Variants in VMP1 observed in about 807,000 individuals in gnomAD.
VMP1 encodes the protein vacuole membrane protein 1, also known as ectopic P-granules autophagy protein 3 homolog.
In VMP1, 11 loss-of-function variants were observed where a neutral mutation model predicts 56.0. The observed-to-expected ratio is 0.20, with a 90% confidence interval of 0.12 to 0.32. The LOEUF (loss-of-function observed/expected upper bound fraction) is 0.32. Among genes scored for constraint, VMP1 ranks in the 10% least tolerant of loss-of-function variants. The pLI is 1.00. For synonymous variants in VMP1, 149 were observed against 165.0 expected (o/e 0.90, Z 0.74); for missense variants, 296 against 490.3 (o/e 0.60, Z 3.74).
rs140014071 is a variant in VMP1, at chr17:59,708,408, C to G, written c.-27+660C>G. 4.6e-3 allele frequency among the ~76,000 whole-genome samples: 708 copies of G among 152,292 alleles called. 9 individuals carry two copies. The highest frequency in any genetic ancestry group is 0.016 in the African/African-American group (681 of 41,552). On this transcript the variant is annotated intron_variant, in intron 1 of 11. Coordinates refer to ENST00000262291, the MANE Select transcript of VMP1 (RefSeq NM_030938.5). The stretch of plus-strand genomic sequence containing the variant: ...AGTAAAACGTGAAGGTCGACTTAAT[C>G]TCTAAAATTCCAGAAACCATATGTG...
chr17:59,766,613 T>C (rs780015781), intron 6 of VMP1, among the ~76,000 whole-genome samples: 1 of 152,200 alleles, frequency 6.6e-6, no homozygotes, highest in Non-Finnish European at 1.5e-5. Flanking sequence ...CAAGCCTTAT[T>C]ATAGTGAACG....
intron 9 of VMP1, among the ~76,000 whole-genome samples, chr17:59,816,409 C>A (rs1329745706): frequency 1.3e-5 from 2 of 152,208 alleles, no homozygotes; most frequent in Non-Finnish European, 2.9e-5. Flanking sequence ...ATAATATTCA[C>A]ATACCAATTG....
chr17:59,841,337 A>G lies in VMP1; in HGVS notation c.*1426A>G, dbSNP rs1377260723. On this transcript the variant is annotated 3_prime_UTR_variant, in exon 12 of 12. Transcript: ENST00000262291. ...AACACCAGTCGATGGGCTGTCTGAC[A>G]TTTTGGTATCTTTCATCTGACCATC... is the stretch of plus-strand genomic sequence containing the variant. 2 of 510,956 alleles carry G rather than the reference A, an allele frequency of 3.9e-6. No individual in the cohort carries two copies. The highest frequency in any genetic ancestry group is 3.9e-5 in the Admixed American group (2 of 51,354). 31.7% of individuals were successfully genotyped at this position (510,956 alleles called of 1,614,324 possible).
At chr17:59,837,240 T>C (rs2039011824) in intron 10 of VMP1, among the ~76,000 whole-genome samples, 1 of 151,690 alleles carries the variant, frequency 6.6e-6, no homozygotes, top group Admixed American at 6.6e-5. Context: ...TTTGAGTCAG[T>C]GTACTTAATA....
At chr17:59,835,383 T>A (rs2038947825) in intron 10 of VMP1, among the ~76,000 whole-genome samples, 1 of 152,010 alleles carries the variant, frequency 6.6e-6, no homozygotes, top group Non-Finnish European at 1.5e-5. Context: ...CACCTCAGCC[T>A]CCCCTGGTGC....
At chr17:59,717,262 G>A (rs1367544170) in intron 1 of VMP1, among the ~76,000 whole-genome samples, 9 of 152,088 alleles carry the variant, frequency 5.9e-5, no homozygotes, top group Non-Finnish European at 1.2e-4. Context: ...GAGCCACCGC[G>A]CTCGGCCGGT....
At chr17:59,756,296 C>A (rs1297875915) in intron 5 of VMP1, among the ~76,000 whole-genome samples, 1 of 152,160 alleles carries the variant, frequency 6.6e-6, no homozygotes, top group African/African-American at 2.4e-5. Context: ...TTTTGCAAGT[C>A]ATACAAACAA....
At chr17:59,738,070 A>C (rs1250197625) in intron 4 of VMP1, among the ~76,000 whole-genome samples, 1 of 152,076 alleles carries the variant, frequency 6.6e-6, no homozygotes, top group Non-Finnish European at 1.5e-5. Context: ...CTGTAATCAA[A>C]GATTTAAATG....
chr17:59,762,173 C>G (rs1285546792), intron 5 of VMP1, among the ~76,000 whole-genome samples: 1 of 152,186 alleles, frequency 6.6e-6, no homozygotes, highest in Non-Finnish European at 1.5e-5. Flanking sequence ...GTTACTTCAT[C>G]CGCCGTGAGA....
intron 5 of VMP1, among the ~76,000 whole-genome samples, chr17:59,754,399 A>G (rs1211564815): frequency 6.6e-6 from 1 of 152,160 alleles, no homozygotes; most frequent in Non-Finnish European, 1.5e-5. Context: ...CTGCATTCAT[A>G]TGGGTTGAAA....
intron 7 of VMP1, among the ~76,000 whole-genome samples, chr17:59,780,660 G>A (rs1192354601): frequency 6.6e-6 from 1 of 152,006 alleles, no homozygotes; most frequent in Non-Finnish European, 1.5e-5. Flanking sequence ...CATCTCAGCT[G>A]ACTGCAACCT....
At chr17:59,815,332 TACTC>T (rs2038188734) in intron 9 of VMP1, among the ~76,000 whole-genome samples, 1 of 152,174 alleles carries the variant, frequency 6.6e-6, no homozygotes, top group Non-Finnish European at 1.5e-5. Context: ...AAAAGCAACA[TACTC>T]ATTCATGTTA....
At chr17:59,801,118 G>A (rs938884782) in intron 7 of VMP1, among the ~76,000 whole-genome samples, 136 of 122,202 alleles carry the variant, frequency 1.1e-3, no homozygotes, top group East Asian at 2.8e-3. Context: ...ATATATGTGT[G>A]TGTGTGTGTG....
intron 7 of VMP1, among the ~76,000 whole-genome samples, chr17:59,802,728 G>C (rs556370746): frequency 2.0e-5 from 3 of 152,036 alleles, no homozygotes; most frequent in South Asian, 4.2e-4. Flanking sequence ...ACCACGCCTA[G>C]CTAATTTTCT....
intron 9 of VMP1, among the ~76,000 whole-genome samples, chr17:59,816,808 T>C (rs2038249286): frequency 6.6e-6 from 1 of 151,216 alleles, no homozygotes; most frequent in Admixed American, 6.6e-5. Flanking sequence ...TTGCTAGGCG[T>C]GGTGTCGTGC....
intron 5 of VMP1, among the ~76,000 whole-genome samples, chr17:59,747,332 G>A (rs1568068772): frequency 6.6e-6 from 1 of 152,000 alleles, no homozygotes; most frequent in Admixed American, 6.6e-5. Context: ...GGGAGGCAGG[G>A]GGATCACTTG....
intron 7 of VMP1, among the ~76,000 whole-genome samples, chr17:59,806,910 TA>T (rs1197300311): frequency 2.6e-5 from 4 of 152,210 alleles, no homozygotes; most frequent in South Asian, 2.1e-4. Flanking sequence ...TGACTGATCA[TA>T]TTTTTTTTTA....
In VMP1 at chr17:59,745,861, G is replaced by GA. The variant is rs542407942; in HGVS notation, c.414+6921dup. Among the ~76,000 whole-genome samples the GA allele has an allele frequency of 6.6e-5, 10 of 152,026 alleles. No individual in the cohort carries two copies. The South Asian group carries it at 1.2e-3, about 19-fold the overall frequency. ...GGTGAAAAAGAAACTAATTTTAACAGAAAAAAATGTAATTCATTATTTATT... is the reference window on the plus strand; with the variant it reads ...GGTGAAAAAGAAACTAATTTTAACAGAAAAAAAATGTAATTCATTATTTATT... On this transcript the variant is annotated intron_variant, in intron 5 of 11. Coordinates refer to ENST00000262291, the MANE Select transcript of VMP1 (RefSeq NM_030938.5).
chr17:59,745,893 C>G (rs893110337), intron 5 of VMP1, among the ~76,000 whole-genome samples: 15 of 152,300 alleles, frequency 9.8e-5, no homozygotes, highest in African/African-American at 3.6e-4. Context: ...TATTATGGCT[C>G]TCTTTACTGG....
Sources: allele counts gnomAD v4.1 joint callset (sites outside exome capture counted in the v4.1 genomes callset), GRCh38; gene constraint gnomAD v4.1.1; transcripts MANE v1.5; gene names NCBI Gene and HGNC (gene_info 2026-07-23, HGNC 2026-07-21).